Variants in PGBD5 observed in about 807,000 individuals in gnomAD.
The protein encoded by PGBD5 is piggyBac transposable element derived 5, also known as piggyBac transposable element-derived protein 5.
Under a neutral mutation model 47.9 loss-of-function variants are expected in PGBD5, and 14 were observed. That is an observed-to-expected ratio of 0.29 (90% confidence interval 0.19 to 0.46). The LOEUF is 0.46. Among genes scored for constraint, PGBD5 ranks in the 20% least tolerant of loss-of-function variants. The pLI, the probability that PGBD5 is intolerant of heterozygous loss-of-function variation, is 1.00. For missense variants in PGBD5, 635 were observed against 716.0 expected (o/e 0.89, Z 1.29); for synonymous variants, 316 against 306.3 (o/e 1.03, Z -0.33).
intron 1 of PGBD5, among the ~76,000 whole-genome samples, chr1:230,360,327 G>A (rs773726067): frequency 3.3e-5 from 5 of 152,066 alleles, no homozygotes; most frequent in Admixed American, 1.3e-4. Flanking sequence ...GGGATTACTG[G>A]GATTTGAGAA....
intron 1 of PGBD5, among the ~76,000 whole-genome samples, chr1:230,380,738 A>G (rs1656443256): frequency 6.6e-6 from 1 of 152,272 alleles, no homozygotes; most frequent in Non-Finnish European, 1.5e-5. Flanking sequence ...CTCAAGAACC[A>G]GGTGCATCAA....
chr1:230,353,474 A>C (rs1461018595), intron 2 of PGBD5, among the ~76,000 whole-genome samples: 1 of 152,180 alleles, frequency 6.6e-6, no homozygotes, highest in Admixed American at 6.5e-5. Context: ...CATTCTGGGA[A>C]TCCTCTGAAG....
intron 5 of PGBD5, among the ~76,000 whole-genome samples, chr1:230,325,685 C>T (rs1261642362): frequency 1.3e-5 from 2 of 152,102 alleles, no homozygotes; most frequent in Non-Finnish European, 2.9e-5. Flanking sequence ...CTCTAGGATC[C>T]TGGCAGGCCT....
In PGBD5 at chr1:230,315,910, GTA is replaced by G. The variant is rs200191300; in HGVS notation, c.*7513_*7514del. On this transcript the variant is annotated 3_prime_UTR_variant, in exon 7 of 7. Transcript: ENST00000391860. ...TACATATTTATGTGTACACATATAT[GTA>G]TATGTGTATATGTGTACACATATAT... 6.6e-4 allele frequency: 94 copies of G among 142,362 alleles called. 6 individuals carry two copies. The highest frequency in any genetic ancestry group is 2.4e-3 in the African/African-American group (85 of 35,646). The allele number at this position is 142,362 out of a possible 1,614,324, so 8.8% of individuals were successfully genotyped here.
chr1:230,348,818 G>A (rs1382711812), intron 3 of PGBD5, among the ~76,000 whole-genome samples: 1 of 152,334 alleles, frequency 6.6e-6, no homozygotes, highest in South Asian at 2.1e-4. Flanking sequence ...AAGTTCTCAT[G>A]CCAGTCCTGT....
chr1:230,392,951 A>C (rs270857), intron 1 of PGBD5, among the ~76,000 whole-genome samples: 1 of 150,266 alleles, frequency 6.7e-6, no homozygotes, highest in Non-Finnish European at 1.5e-5. Context: ...CTGGAGGGAG[A>C]GGCACAGGAA....
At chr1:230,335,730 C>CACACAA (rs1667304164) in intron 4 of PGBD5, among the ~76,000 whole-genome samples, 1 of 96 alleles carries the variant, frequency 0.01, no homozygotes, top group Non-Finnish European at 0.026. Flanking sequence ...TACAGACACA[C>CACACAA]ACAGACTTAC....
chr1:230,422,555 C>G (rs1442690038), intron 1 of PGBD5, among the ~76,000 whole-genome samples: 2 of 152,190 alleles, frequency 1.3e-5, no homozygotes, highest in Non-Finnish European at 2.9e-5. Context: ...AAGAGCCCAA[C>G]AGCTAGCCCG....
At position 230,392,683 on chromosome 1, in the gene PGBD5, C is replaced by T. The variant is rs1457601964; in HGVS notation, c.331+32915G>A. 2.6e-5 allele frequency among the ~76,000 whole-genome samples: 4 copies of T among 152,204 alleles called. 1 individual carries two copies. The South Asian group carries it at 6.2e-4, about 24-fold the overall frequency. Reference sequence around the variant, plus strand: ...ACCACCAAAACCTGTGCTCCACACCCGCTCCTCAGCAGCGGCCTGCTCTCA... The same window carrying T: ...ACCACCAAAACCTGTGCTCCACACCTGCTCCTCAGCAGCGGCCTGCTCTCA... On this transcript the variant is annotated intron_variant, in intron 1 of 6. Transcript: ENST00000391860.
At chr1:230,402,350 C>T (rs112279178) in intron 1 of PGBD5, among the ~76,000 whole-genome samples, 41 of 152,208 alleles carry the variant, frequency 2.7e-4, no homozygotes, top group Non-Finnish European at 4.3e-4. Context: ...GGTCCAGGAA[C>T]GCTTCTCCAG....
At chr1:230,382,490 T>C (rs1204285085) in intron 1 of PGBD5, among the ~76,000 whole-genome samples, 1 of 152,204 alleles carries the variant, frequency 6.6e-6, no homozygotes, top group Non-Finnish European at 1.5e-5. Context: ...CTGGCTTTTG[T>C]ATGCTGGCCA....
chr1:230,401,002 G>C (rs74370882), intron 1 of PGBD5, among the ~76,000 whole-genome samples: 13,011 of 152,268 alleles, frequency 0.085, 726 homozygotes, highest in South Asian at 0.22. Flanking sequence ...CCATGAGATT[G>C]TATCACCACC....
chr1:230,422,577 G>C (rs1657672526), intron 1 of PGBD5, among the ~76,000 whole-genome samples: 1 of 152,128 alleles, frequency 6.6e-6, no homozygotes, highest in South Asian at 2.1e-4. Context: ...CAAGCATAGC[G>C]TGTGCATTTA....
chr1:230,398,124 C>G (rs1657044919), intron 1 of PGBD5, among the ~76,000 whole-genome samples: 1 of 152,230 alleles, frequency 6.6e-6, no homozygotes, highest in Admixed American at 6.5e-5. Context: ...ACCGCTCCAT[C>G]TGAACCCCCA....
chr1:230,405,750 G>A (rs1161612589), intron 1 of PGBD5, among the ~76,000 whole-genome samples: 3 of 152,206 alleles, frequency 2.0e-5, no homozygotes, highest in African/African-American at 7.2e-5. Context: ...AAGAACTGAT[G>A]ACCAATGAGC....
intron 1 of PGBD5, among the ~76,000 whole-genome samples, chr1:230,401,024 G>A (rs552399940): frequency 7.9e-5 from 12 of 152,316 alleles, no homozygotes; most frequent in African/African-American, 1.9e-4. Flanking sequence ...TGAGAAGCAC[G>A]CATATTATCT....
intron 4 of PGBD5, among the ~76,000 whole-genome samples, chr1:230,335,214 G>C (rs28385892): frequency 0.48 from 4,454 of 9,344 alleles, 1,177 homozygotes; most frequent in African/African-American, 0.65. Flanking sequence ...TATACAGACA[G>C]ACACAGATAC....
chr1:230,409,968 A>G (rs1387793697), intron 1 of PGBD5, among the ~76,000 whole-genome samples: 4 of 152,214 alleles, frequency 2.6e-5, no homozygotes, highest in Non-Finnish European at 5.9e-5. Flanking sequence ...ATGTGTACAT[A>G]TTGATTTATC....
At chr1:230,412,678 G>A (rs947938727) in intron 1 of PGBD5, among the ~76,000 whole-genome samples, 1 of 152,052 alleles carries the variant, frequency 6.6e-6, no homozygotes, top group Non-Finnish European at 1.5e-5. Flanking sequence ...ATGAGCCACC[G>A]CGCCCGGCCC....
Sources: allele counts gnomAD v4.1 joint callset (sites outside exome capture counted in the v4.1 genomes callset), GRCh38; gene constraint gnomAD v4.1.1; transcripts MANE v1.5; gene names NCBI Gene and HGNC (gene_info 2026-07-23, HGNC 2026-07-21).